ZNF346: variants seen among roughly 807,000 people sequenced by gnomAD.
ZNF346 encodes zinc finger protein 346.
In ZNF346, 23 loss-of-function variants were observed where a neutral mutation model predicts 33.7. The observed-to-expected ratio is 0.68, with a 90% CI of 0.49 to 0.97. The LOEUF (loss-of-function observed/expected upper bound fraction) is 0.97. Ranked by LOEUF, ZNF346 falls within the 50% of genes least tolerant of loss-of-function variation. ZNF346 has a pLI of 0.00. For missense variants in ZNF346, 340 were observed against 371.1 expected (o/e 0.92, Z 0.69); for synonymous variants, 134 against 142.4 (o/e 0.94, Z 0.42).
At chr5:177,032,513 C>A (rs1274920897) in intron 1 of ZNF346, among the ~76,000 whole-genome samples, 1 of 151,978 alleles carries the variant, frequency 6.6e-6, no homozygotes, top group Admixed American at 6.6e-5. Context: ...TGGGTTCAAG[C>A]GATTCTCCTG....
chr5:177,069,942 G>C (rs1011993281), downstream of ZNF346, among the ~76,000 whole-genome samples: 1 of 152,322 alleles, frequency 6.6e-6, no homozygotes. Flanking sequence ...GATTACAAGC[G>C]TGAGCCACCA....
At chr5:177,063,911 AG>A (rs1396980491) in intron 6 of ZNF346, among the ~76,000 whole-genome samples, 2 of 123,574 alleles carry the variant, frequency 1.6e-5, no homozygotes, top group Non-Finnish European at 3.7e-5. Context: ...ATTTTAAAAA[AG>A]CCTCTAATTC....
At chr5:177,070,514 G>T (rs1243612255), downstream of ZNF346, among the ~76,000 whole-genome samples, 4 of 152,108 alleles carry the variant, frequency 2.6e-5, no homozygotes, top group African/African-American at 9.7e-5. Flanking sequence ...AGCAGCTAAG[G>T]TTCAGATCCC....
intron 5 of ZNF346, among the ~76,000 whole-genome samples, chr5:177,053,235 G>C (rs1182809174): frequency 2.1e-5 from 3 of 145,562 alleles, no homozygotes; most frequent in African/African-American, 7.7e-5. Flanking sequence ...AGAATTGCTT[G>C]AACCCGGGAG....
chr5:177,047,400 C>T (rs576377049), intron 4 of ZNF346, among the ~76,000 whole-genome samples: 1 of 151,434 alleles, frequency 6.6e-6, no homozygotes, highest in East Asian at 1.9e-4. Flanking sequence ...TGAAATGGCG[C>T]AATCTCAGCT....
At chr5:177,025,213 A>G (rs1373865671) in intron 1 of ZNF346, among the ~76,000 whole-genome samples, 1 of 152,222 alleles carries the variant, frequency 6.6e-6, no homozygotes, top group Non-Finnish European at 1.5e-5. Context: ...TTTGAAGTTC[A>G]GCCAAGTCAT....
rs754554349 is a variant in ZNF346, at chr5:177,044,342, T to C, written c.373-47T>C. On this transcript the variant is annotated intron_variant, in intron 3 of 6. Coordinates refer to ENST00000358149, the MANE Select transcript of ZNF346 (RefSeq NM_012279.4). ...CAGTGGGGAACCATTGAAGATTTTC[T>C]GGTGGGGCAGTGGTATGATCAGACC... is the stretch of plus-strand genomic sequence containing the variant. The C allele has an allele frequency of 1.1e-5, 18 of 1,609,618 alleles. No homozygotes were observed. The South Asian group carries it at 1.9e-4, about 17-fold the overall frequency.
intron 5 of ZNF346, chr5:177,052,835 G>A (rs1781140511): frequency 6.6e-6 from 1 of 152,198 alleles, no homozygotes; most frequent in African/African-American, 2.4e-5. Context: ...TAGATGTTGA[G>A]TAGAAACTGT....
chr5:177,053,177 G>GT lies in ZNF346; in HGVS notation c.703+2242dup, dbSNP rs537200566. On this transcript the variant is annotated intron_variant, in intron 5 of 6. Coordinates refer to ENST00000358149, the MANE Select transcript of ZNF346 (RefSeq NM_012279.4). ...CTGAAAATAGAAAAATTAGCTGGAC[G>GT]TGGTGACACACGCCTATAGTCCCAG... Among the ~76,000 whole-genome samples the GT allele has an allele frequency of 2.3e-3, 345 of 152,120 alleles. 3 individuals carry two copies. Among genetic ancestry groups the GT allele is most frequent in the African/African-American group, 7.8e-3 (325 of 41,502 alleles).
chr5:177,037,644 T>C (rs191972922), intron 1 of ZNF346, among the ~76,000 whole-genome samples: 1 of 152,298 alleles, frequency 6.6e-6, no homozygotes, highest in East Asian at 1.9e-4. Flanking sequence ...TTCACTTTTC[T>C]CCATCTCCAC....
At chr5:177,032,556 C>T (rs972425062) in intron 1 of ZNF346, among the ~76,000 whole-genome samples, 6 of 151,984 alleles carry the variant, frequency 3.9e-5, no homozygotes, top group African/African-American at 7.2e-5. Context: ...GGATTACCAG[C>T]CCTCTACCAC....
chr5:177,026,179 AT>A (rs35536746), intron 1 of ZNF346, among the ~76,000 whole-genome samples: 1 of 150,162 alleles, frequency 6.7e-6, no homozygotes, highest in African/African-American at 2.5e-5. Flanking sequence ...TAATTTTTGT[AT>A]TTTTAGTAGA....
chr5:177,042,060 C>G (rs912032752), intron 3 of ZNF346, 190 bp downstream of exon 3: 30 of 484,916 alleles, frequency 6.2e-5, no homozygotes, highest in African/African-American at 5.2e-4. Context: ...AACTACCTTT[C>G]AGGATTTTTT....
intron 5 of ZNF346, among the ~76,000 whole-genome samples, chr5:177,057,266 C>T (rs185364271): frequency 2.8e-4 from 42 of 151,860 alleles, no homozygotes; most frequent in Admixed American, 1.6e-3. Context: ...TGCACTACAC[C>T]GTGGGTGACA....
intron 1 of ZNF346, among the ~76,000 whole-genome samples, chr5:177,032,913 AAC>A (rs1777924880): frequency 6.6e-6 from 1 of 152,214 alleles, no homozygotes; most frequent in Admixed American, 6.5e-5. Context: ...TAAAAACAAA[AAC>A]ACAGTATGGA....
At chr5:177,043,295 G>C (rs1046125086) in intron 3 of ZNF346, among the ~76,000 whole-genome samples, 6 of 152,090 alleles carry the variant, frequency 3.9e-5, no homozygotes, top group Admixed American at 1.3e-4. Flanking sequence ...CACCACACCT[G>C]GCCCTTTTCT....
chr5:177,040,181 A>C (rs1324092535), intron 1 of ZNF346, among the ~76,000 whole-genome samples: 1 of 74,676 alleles, frequency 1.3e-5, no homozygotes. Context: ...ACTCCCTCTC[A>C]AAAAAAAAAA....
intron 1 of ZNF346, among the ~76,000 whole-genome samples, chr5:177,024,354 C>T (rs1028458004): frequency 7.9e-5 from 12 of 151,776 alleles, no homozygotes; most frequent in Admixed American, 2.0e-4. Context: ...GCTGCCATGA[C>T]GCTCAGCTGA....
At chr5:177,078,634 G>A (rs140695247) in intron 8 of ZNF346, among the ~76,000 whole-genome samples, 1 of 152,296 alleles carries the variant, frequency 6.6e-6, no homozygotes, top group Non-Finnish European at 1.5e-5. Context: ...TAAGCTGGCC[G>A]GGCGTAATAG....
Sources: gnomAD v4.1 joint callset for allele counts (sites outside exome capture counted in the v4.1 genomes callset) on GRCh38, gnomAD v4.1.1 for gene constraint, MANE v1.5 for transcripts, NCBI Gene and HGNC (gene_info 2026-07-23, HGNC 2026-07-21) for gene names.